USH2A: variants seen among roughly 807,000 people sequenced by gnomAD.
USH2A encodes the protein Usher syndrome 2A (autosomal recessive, mild).
A neutral mutation model predicts 538.9 loss-of-function variants in USH2A; 443 were observed. The ratio of observed to expected loss-of-function variants is 0.82; its 90% confidence interval spans 0.76 to 0.89. The LOEUF is 0.89. USH2A is among the 40% of genes least tolerant of loss of function. USH2A has a pLI of 0.00. For missense variants in USH2A, 6,633 were observed against 6,324.8 expected, an observed-to-expected ratio of 1.05 and a Z score of -1.65; for synonymous variants, 2,413 against 2,273.5, an observed-to-expected ratio of 1.06 and a Z score of -1.75.
At chr1:215,984,628 T>A (rs1667829237) in intron 35 of USH2A, among the ~76,000 whole-genome samples, 3 of 152,218 alleles carry the variant, frequency 2.0e-5, no homozygotes, top group African/African-American at 7.2e-5. Flanking sequence ...TTGTCATATA[T>A]AACCAAGGAA....
chr1:216,327,335 C>T (rs1337436649), intron 5 of USH2A, among the ~76,000 whole-genome samples: 1 of 152,078 alleles, frequency 6.6e-6, no homozygotes, highest in African/African-American at 2.4e-5. Flanking sequence ...ATAAAATGTT[C>T]AAATATCAAG....
At chr1:216,090,191 T>C (rs2032262054) in intron 22 of USH2A, among the ~76,000 whole-genome samples, 1 of 152,022 alleles carries the variant, frequency 6.6e-6, no homozygotes, top group Non-Finnish European at 1.5e-5. Context: ...CTAATAATTT[T>C]GCTATGCTGT....
In USH2A at chr1:215,836,565, A is replaced by AT. The variant is rs71159886; in HGVS notation, c.9371+1425dup. Among the ~76,000 whole-genome samples, 57 of 32,878 alleles carry AT rather than the reference A, an allele frequency of 1.7e-3. 7 individuals carry two copies. The highest frequency in any genetic ancestry group is 2.6e-3 in the Non-Finnish European group (45 of 17,136). The allele number at this position is 32,878 out of a possible 152,430, so 21.6% of individuals were successfully genotyped here. On this transcript the variant is annotated intron_variant, in intron 47 of 71. Coordinates refer to ENST00000307340, the MANE Select transcript of USH2A (RefSeq NM_206933.4). ...ATAATATATATATATATATATATAT[A>AT]TTTTTTTTTGAGACAGAGTATCACT...
chr1:216,221,001 A>G (rs1355788346), intron 14 of USH2A, among the ~76,000 whole-genome samples: 1 of 152,158 alleles, frequency 6.6e-6, no homozygotes, highest in African/African-American at 2.4e-5. Context: ...AATTCGGCAG[A>G]GTTTTTTTGT....
rs773179402 is a variant in USH2A, at chr1:215,728,045, A to G, written c.12051T>C (p.His4017=). The change falls in exon 61 of 72, where the codon CAT becomes CAC. Residue 4017 remains histidine, a synonymous_variant. Coordinates refer to ENST00000307340, the MANE Select transcript of USH2A (RefSeq NM_206933.4). ...AGGGTCTTACCTTCACTGTGAAAGCATGCACGGTAGGGCTGTTAAATGTAG... is the reference window on the plus strand; with the variant it reads ...AGGGTCTTACCTTCACTGTGAAAGCGTGCACGGTAGGGCTGTTAAATGTAG... ...DDPTFNSPTV[H]AFTVKGTSHQ... is the part of the protein sequence containing the mutation. 2 of 1,614,166 alleles carry G rather than the reference A, an allele frequency of 1.2e-6. No individual in the cohort carries two copies.
chr1:215,687,676 G>A (rs1658476193), intron 61 of USH2A, among the ~76,000 whole-genome samples: 1 of 152,010 alleles, frequency 6.6e-6, no homozygotes, highest in South Asian at 2.1e-4. Context: ...CAGTACTTCT[G>A]ATCTATCAAA....
chr1:216,409,248 G>C (rs2039442715), intron 3 of USH2A, among the ~76,000 whole-genome samples: 1 of 152,128 alleles, frequency 6.6e-6, no homozygotes, highest in South Asian at 2.1e-4. Context: ...TCATTGGTTT[G>C]TGTGACATTC....
intron 37 of USH2A, among the ~76,000 whole-genome samples, chr1:215,949,286 C>T (rs972764679): frequency 5.3e-5 from 8 of 152,004 alleles, no homozygotes; most frequent in South Asian, 2.1e-4. Context: ...AATGGAGATA[C>T]AAGCTGCTTA....
intron 37 of USH2A, among the ~76,000 whole-genome samples, chr1:215,963,931 C>T (rs556776195): frequency 6.6e-6 from 1 of 152,194 alleles, no homozygotes; most frequent in East Asian, 1.9e-4. Flanking sequence ...GTGGAAAGAA[C>T]TGAAGGAAAA....
chr1:215,985,727 A>G (rs753305848), intron 35 of USH2A, among the ~76,000 whole-genome samples: 6 of 152,144 alleles, frequency 3.9e-5, no homozygotes, highest in Non-Finnish European at 7.4e-5. Flanking sequence ...CATTATGAAA[A>G]CTTATTTCTA....
chr1:216,217,309 T>C (rs761694253), intron 15 of USH2A, 78 bp downstream of exon 15: 120 of 1,577,938 alleles, frequency 7.6e-5, no homozygotes, highest in Non-Finnish European at 9.7e-5. Flanking sequence ...GGGTTCTAAA[T>C]GGAGAAAGAA....
intron 21 of USH2A, among the ~76,000 whole-genome samples, chr1:216,112,920 G>A (rs925844650): frequency 6.6e-6 from 1 of 151,962 alleles, no homozygotes; most frequent in African/African-American, 2.4e-5. Flanking sequence ...GAACACCCGC[G>A]AGCATGTGTC....
intron 43 of USH2A, among the ~76,000 whole-genome samples, chr1:215,874,412 G>A (rs528182174): frequency 6.6e-6 from 1 of 152,228 alleles, no homozygotes; most frequent in South Asian, 2.1e-4. Flanking sequence ...ATAATCATAA[G>A]AGCAAAAAGT....
At chr1:215,823,329 G>T (rs1663066331) in intron 47 of USH2A, among the ~76,000 whole-genome samples, 1 of 151,900 alleles carries the variant, frequency 6.6e-6, no homozygotes, top group Non-Finnish European at 1.5e-5. Context: ...TATGGCATTT[G>T]TTTTTTTATT....
intron 44 of USH2A, among the ~76,000 whole-genome samples, chr1:215,860,430 A>G (rs932351858): frequency 6.6e-6 from 1 of 152,178 alleles, no homozygotes; most frequent in Admixed American, 6.5e-5. Flanking sequence ...AAACAAAAGA[A>G]AAAAAGTATT....
At chr1:215,785,349 C>A (rs1351114555) in intron 52 of USH2A, among the ~76,000 whole-genome samples, 2 of 152,184 alleles carry the variant, frequency 1.3e-5, no homozygotes, top group East Asian at 3.9e-4. Context: ...TTGGAGCACT[C>A]TGAAAGGAGC....
At chr1:215,744,450 T>G (rs976562983) in intron 58 of USH2A, among the ~76,000 whole-genome samples, 1 of 152,230 alleles carries the variant, frequency 6.6e-6, no homozygotes, top group African/African-American at 2.4e-5. Flanking sequence ...GAATGAAGAA[T>G]ATAATGGCAT....
Position 216,196,705 on chromosome 1 carries a change from G to T in USH2A, c.4099C>A (p.Pro1367Thr). ...GAAGAGAGGGGAAAGACTGAAGGAGGGATCATGAATACAGGTGCTATCAAT... is the reference window on the plus strand; with the variant it reads ...GAAGAGAGGGGAAAGACTGAAGGAGTGATCATGAATACAGGTGCTATCAAT... ...TGESAPVFMIPPSVFPLSSYS... is the reference protein window; with the variant it reads ...TGESAPVFMITPSVFPLSSYS... Residue 1367 changes from proline (P) to threonine (T), a missense_variant, in exon 19 of 72, where the codon CCT (proline) becomes ACT (threonine). Physicochemically the swap from Pro to Thr is conservative, Grantham distance 38 (BLOSUM62 -1). Coordinates refer to ENST00000307340, the MANE Select transcript of USH2A (RefSeq NM_206933.4). The T allele has an allele frequency of 6.2e-7, 1 of 1,612,848 alleles. No homozygotes were observed. The highest frequency in any genetic ancestry group is 1.1e-5 in the South Asian group (1 of 91,046).
At chr1:215,957,473 C>T (rs6540922) in intron 37 of USH2A, among the ~76,000 whole-genome samples, 5,898 of 152,208 alleles carry the variant, frequency 0.039, 171 homozygotes, top group South Asian at 0.083. Flanking sequence ...GTGTATGAAA[C>T]ACTATCACTT....
Sources: allele counts gnomAD v4.1 joint callset (sites outside exome capture counted in the v4.1 genomes callset), GRCh38; gene constraint gnomAD v4.1.1; transcripts MANE v1.5; gene names NCBI Gene and HGNC (gene_info 2026-07-23, HGNC 2026-07-21).